Variants in ACACB observed in about 807,000 individuals in gnomAD.
ACACB encodes acetyl-CoA carboxylase 2.
A neutral mutation model predicts 278.8 loss-of-function variants in ACACB; 209 were observed. The ratio of observed to expected loss-of-function variants is 0.75; its 90% CI spans 0.67 to 0.84. The LOEUF is 0.84. Among genes scored for constraint, ACACB ranks in the 40% least tolerant of loss-of-function variants. ACACB has a pLI of 0.00. For synonymous variants in ACACB, 1,174 were observed against 1,285.6 expected, an observed-to-expected ratio of 0.91 and a Z score of 1.86; for missense variants, 2,850 against 3,269.0, an observed-to-expected ratio of 0.87 and a Z score of 3.13.
At chr12:109,175,424 T>C (rs1188163538) in intron 7 of ACACB, among the ~76,000 whole-genome samples, 1 of 152,096 alleles carries the variant, frequency 6.6e-6, no homozygotes, top group Admixed American at 6.6e-5. Context: ...TTTTTTGTTG[T>C]TTTGTTTTCG....
At chr12:109,264,207 G>C (rs1251204407) in intron 49 of ACACB, 25 bp from the exon 50 acceptor site, 5 of 1,611,818 alleles carry the variant, frequency 3.1e-6, no homozygotes, top group African/African-American at 1.3e-5. Flanking sequence ...TCCATGGCTT[G>C]ACTGGCCTTT....
chr12:109,152,640 C>CTTTTTTTTTTTTTTTTT (rs34863094), intron 2 of ACACB, among the ~76,000 whole-genome samples: 16 of 74,866 alleles, frequency 2.1e-4, no homozygotes, highest in Non-Finnish European at 3.3e-4. Context: ...TTCTTTCTTT[C>CTTTTTTTTTTTTTTTTT]TTTTTTTTTT....
Position 109,222,883 on chromosome 12 carries a change from G to T in ACACB, c.3763G>T (p.Gly1255Cys), listed in dbSNP as rs566751207. The T allele has an allele frequency of 7.4e-6, 12 of 1,613,006 alleles. No individual in the cohort carries two copies. Among genetic ancestry groups the T allele is most frequent in the Admixed American group, 1.7e-5 (1 of 59,900 alleles). ...TTTCCTGTCTGCCATTGACATGTAC[G>T]GCCACCAGTTCTGCCCCGAGAACCT... is the stretch of plus-strand genomic sequence containing the variant. ...SIFLSAIDMY[G>C]HQFCPENLKK... Residue 1255 changes from glycine (G) to cysteine (C), a missense_variant, in exon 26 of 53, where the codon GGC becomes TGC. Physicochemically the swap from Gly to Cys is radical, Grantham distance 159. Around this residue, in one of 3 missense-constraint regions of ACACB, gnomAD observed 2,265 missense variants for 2,561.3 expected, o/e 0.88. Transcript: ENST00000338432.
Position 109,239,813 on chromosome 12 carries a change from C to T in ACACB, c.4663-17C>T. 6.2e-7 allele frequency: 1 copy of T among 1,602,322 alleles called. No homozygotes were observed. The highest frequency in any genetic ancestry group is 8.5e-7 in the Non-Finnish European group (1 of 1,174,216). ...GCACCCCTGGCCTGAGCAGCTGCCC[C>T]TCCCACTCTTTGGCAGGAAGCCTCC... is the stretch of plus-strand genomic sequence containing the variant. On this transcript the variant is annotated splice_polypyrimidine_tract_variant and intron_variant, in intron 34 of 52. Coordinates refer to ENST00000338432, the MANE Select transcript of ACACB (RefSeq NM_001093.4).
intron 21 of ACACB, among the ~76,000 whole-genome samples, chr12:109,211,104 T>C (rs1209988735): frequency 6.6e-6 from 1 of 152,136 alleles, no homozygotes; most frequent in African/African-American, 2.4e-5. Context: ...CCTGTTTGCC[T>C]TCCTGCCCTC....
At chr12:109,148,550 C>T (rs1056583564) in intron 2 of ACACB, among the ~76,000 whole-genome samples, 6 of 152,196 alleles carry the variant, frequency 3.9e-5, no homozygotes, top group African/African-American at 7.2e-5. Flanking sequence ...CAAAACCTGT[C>T]CTGAATTGAT....
intron 1 of ACACB, among the ~76,000 whole-genome samples, chr12:109,122,747 A>T (rs1349188300): frequency 6.6e-6 from 1 of 151,672 alleles, no homozygotes; most frequent in East Asian, 1.9e-4. Flanking sequence ...GTTTTTTTTT[A>T]ACACCTTCAG....
intron 22 of ACACB, among the ~76,000 whole-genome samples, chr12:109,216,214 T>G (rs894686077): frequency 6.9e-6 from 1 of 145,878 alleles, no homozygotes; most frequent in African/African-American, 2.5e-5. Context: ...CCTTTCTCTC[T>G]CTCTCTTTTT....
Position 109,179,265 on chromosome 12 carries a change from G to A in ACACB, c.1615G>A (p.Ala539Thr), listed in dbSNP as rs147821902. The A allele has an allele frequency of 1.2e-6, 2 of 1,613,472 alleles. No homozygotes were observed. The highest frequency in any genetic ancestry group is 2.2e-5 in the East Asian group (1 of 44,892). ...CGTTGAGGAAGCACCGGCCACCATC[G>A]CCCCGCTGGCCATATTCGAGTTCAT... Reference protein sequence around the residue: ...KIVEEAPATIAPLAIFEFMEQ... With the variant: ...KIVEEAPATITPLAIFEFMEQ... The change falls in exon 10 of 53, where the codon GCC becomes ACC. Residue 539 changes from alanine (A) to threonine (T), a missense_variant. By Grantham distance (58) the Ala-to-Thr change is moderately conservative (BLOSUM62 0). This residue lies in a region of ACACB where 2,265 missense variants were observed against 2,561.3 expected (regional missense o/e 0.88). Coordinates refer to ENST00000338432, the MANE Select transcript of ACACB (RefSeq NM_001093.4).
At position 109,216,511 on chromosome 12, in the gene ACACB, T is replaced by C. The variant is rs1593601332; in HGVS notation, c.3351-107T>C. On this transcript the variant is annotated intron_variant, in intron 22 of 52. Transcript: ENST00000338432. ...CTGGGATTACAGGCATGAGCCACCA[T>C]GCCCAGCCAATCCTTTCTCTTTTTA... The C allele has an allele frequency of 4.8e-5, 56 of 1,168,582 alleles. 1 individual carries two copies. The South Asian group carries it at 7.1e-4, about 15-fold the overall frequency. 72.4% of individuals were successfully genotyped at this position (1,168,582 alleles called of 1,614,324 possible).
chr12:109,234,369 A>C (rs919382474), intron 31 of ACACB, among the ~76,000 whole-genome samples: 2 of 152,150 alleles, frequency 1.3e-5, no homozygotes, highest in Admixed American at 1.3e-4. Flanking sequence ...AATAATCCAG[A>C]AACTGGCAGT....
intron 29 of ACACB, among the ~76,000 whole-genome samples, chr12:109,233,478 G>A (rs971972874): frequency 2.6e-5 from 4 of 152,202 alleles, no homozygotes; most frequent in Non-Finnish European, 2.9e-5. Flanking sequence ...CTCAAGCCCA[G>A]CTGATGCCTG....
At chr12:109,256,710 G>A (rs763952620) in intron 45 of ACACB, among the ~76,000 whole-genome samples, 4 of 152,084 alleles carry the variant, frequency 2.6e-5, no homozygotes, top group Non-Finnish European at 4.4e-5. Flanking sequence ...TCCTTATAAT[G>A]AGCCCCGAGC....
chr12:109,181,750 A>G (rs1353933176), intron 11 of ACACB, among the ~76,000 whole-genome samples: 1 of 151,284 alleles, frequency 6.6e-6, no homozygotes, highest in Non-Finnish European at 1.5e-5. Context: ...TAGTGGTTGT[A>G]CTAATTTTCA....
intron 1 of ACACB, among the ~76,000 whole-genome samples, chr12:109,124,290 AC>A (rs1253550973): frequency 6.6e-6 from 1 of 152,070 alleles, no homozygotes; most frequent in East Asian, 1.9e-4. Context: ...ACTTATTGAA[AC>A]TGGGTCATTT....
At chr12:109,169,503 T>G (rs1028113429) in intron 4 of ACACB, among the ~76,000 whole-genome samples, 4 of 152,154 alleles carry the variant, frequency 2.6e-5, no homozygotes, top group African/African-American at 9.7e-5. Context: ...CCCAGGCCTA[T>G]TAAGTCCCCT....
chr12:109,245,684 C>G lies in ACACB; in HGVS notation c.5237C>G (p.Thr1746Ser), dbSNP rs747111652. The G allele has an allele frequency of 2.5e-6, 4 of 1,614,198 alleles. No homozygotes were observed. Among genetic ancestry groups the G allele is most frequent in the Non-Finnish European group, 3.4e-6 (4 of 1,180,018 alleles). Residue 1746 changes from threonine (T) to serine (S), a missense_variant, in exon 38 of 53, where the codon ACT (threonine) becomes AGT (serine). By Grantham distance (58) the Thr-to-Ser change is moderately conservative. Transcript: ENST00000338432. ...DKYPKDILTY[T>S]ELVLDSQGQL... ...TATCCCAAAGACATCCTGACATACA[C>G]TGAATTAGTGTTGGACTCTCAGGGC...
intron 4 of ACACB, 45 bp from the exon 5 acceptor site, chr12:109,171,760 C>T (rs778059427): frequency 7.0e-7 from 1 of 1,432,254 alleles, no homozygotes; most frequent in Non-Finnish European, 9.8e-7. Flanking sequence ...CCATTGATGT[C>T]AGTCTGTCAG....
At chr12:109,125,154 A>G (rs1593356812) in intron 1 of ACACB, 1 of 152,204 alleles carries the variant, frequency 6.6e-6, no homozygotes, top group Non-Finnish European at 1.5e-5. Flanking sequence ...CAGAGTAATG[A>G]GTAGCCCTAG....
Sources: gnomAD v4.1 joint callset for allele counts (sites outside exome capture counted in the v4.1 genomes callset) on GRCh38, gnomAD v4.1.1 for gene constraint, gnomAD v4.1.1 regional missense constraint, MANE v1.5 for transcripts, NCBI Gene and HGNC (gene_info 2026-07-23, HGNC 2026-07-21) for gene names.